Variants in RASAL2 observed in about 807,000 individuals in gnomAD.
The protein encoded by RASAL2 is ras GTPase-activating protein nGAP.
A neutral mutation model predicts 128.9 loss-of-function variants in RASAL2; 58 were observed. That is an observed-to-expected ratio of 0.45 (90% confidence interval 0.36 to 0.56). The LOEUF is 0.56. Among genes scored for constraint, RASAL2 ranks in the 20% least tolerant of loss-of-function variants. The probability of loss-of-function intolerance (pLI) is 0.00; values close to 1 mark genes in which losing one functional copy is unlikely to be tolerated. For synonymous variants in RASAL2, 561 were observed against 580.8 expected (o/e 0.97, Z 0.49); for missense variants, 1,360 against 1,601.6 (o/e 0.85, Z 2.57).
intron 1 of RASAL2, among the ~76,000 whole-genome samples, chr1:178,169,201 G>A (rs938864232): frequency 3.9e-5 from 6 of 152,046 alleles, no homozygotes; most frequent in Non-Finnish European, 8.8e-5. Context: ...TACTCCTAAT[G>A]TATAGTCTTT....
At chr1:178,394,180 T>C (rs1673077710) in intron 4 of RASAL2, among the ~76,000 whole-genome samples, 1 of 152,240 alleles carries the variant, frequency 6.6e-6, no homozygotes, top group Admixed American at 6.5e-5. Context: ...GTTATACATA[T>C]GTATAAATTC....
chr1:178,440,427 C>G (rs1285287391), intron 6 of RASAL2, among the ~76,000 whole-genome samples: 2 of 151,080 alleles, frequency 1.3e-5, no homozygotes, highest in African/African-American at 4.9e-5. Context: ...AAATTGTTTC[C>G]TTTTTTTTTA....
At chr1:178,216,829 T>C (rs1385814914) in intron 1 of RASAL2, among the ~76,000 whole-genome samples, 1 of 152,090 alleles carries the variant, frequency 6.6e-6, no homozygotes, top group Non-Finnish European at 1.5e-5. Flanking sequence ...AACCACTCTT[T>C]TGAAATCAGA....
intron 1 of RASAL2, among the ~76,000 whole-genome samples, chr1:178,117,333 G>A (rs911046735): frequency 6.6e-6 from 1 of 152,160 alleles, no homozygotes; most frequent in Non-Finnish European, 1.5e-5. Flanking sequence ...TTCTGTTTAA[G>A]CATTTTATGA....
intron 9 of RASAL2, among the ~76,000 whole-genome samples, chr1:178,449,552 T>A (rs1453799571): frequency 6.6e-6 from 1 of 152,074 alleles, no homozygotes; most frequent in Non-Finnish European, 1.5e-5. Flanking sequence ...AGCACCCCCT[T>A]TGGCTCTGGT....
chr1:178,318,442 G>C (rs1247875453), intron 3 of RASAL2, among the ~76,000 whole-genome samples: 1 of 152,080 alleles, frequency 6.6e-6, no homozygotes, highest in Admixed American at 6.6e-5. Context: ...CTCTTTGTAA[G>C]TCACTCAGGA....
In RASAL2 at chr1:178,443,201, A is replaced by C; in HGVS notation, c.1454A>C (p.His485Pro). The change falls in exon 8 of 18, where the codon CAC (histidine) becomes CCC (proline). Residue 485 changes from histidine to proline, a missense_variant. Physicochemically the swap from His to Pro is moderately conservative, Grantham distance 77. This residue lies in a region of RASAL2 where 617 missense variants were observed against 714.2 expected (regional missense o/e 0.86). Coordinates refer to ENST00000367649, the MANE Select transcript of RASAL2 (RefSeq NM_170692.4). ...GAGGAGTTGGCTTGTGCCTTAGTGC[A>C]CATTCTTCAAAGTACTGGCAGAGCC... ...NKEELACALV[H>P]ILQSTGRAKD... is the part of the protein sequence containing the mutation. The C allele has an allele frequency of 5.6e-6, 9 of 1,611,576 alleles. No individual in the cohort carries two copies. The highest frequency in any genetic ancestry group is 7.6e-6 in the Non-Finnish European group (9 of 1,177,930).
intron 1 of RASAL2, among the ~76,000 whole-genome samples, chr1:178,159,516 T>C (rs1447784374): frequency 6.6e-6 from 1 of 152,234 alleles, no homozygotes; most frequent in African/African-American, 2.4e-5. Context: ...GGAAAGTGTT[T>C]GAAAACAAAC....
At chr1:178,207,710 A>G (rs1346092077) in intron 1 of RASAL2, among the ~76,000 whole-genome samples, 1 of 152,238 alleles carries the variant, frequency 6.6e-6, no homozygotes, top group African/African-American at 2.4e-5. Flanking sequence ...ACAGCTTATA[A>G]TAAAAAACAG....
chr1:178,209,011 T>C (rs1159531548), intron 1 of RASAL2, among the ~76,000 whole-genome samples: 1 of 152,146 alleles, frequency 6.6e-6, no homozygotes, highest in African/African-American at 2.4e-5. Flanking sequence ...TATGGTACTT[T>C]GGTTATATTT....
At chr1:178,362,023 C>T (rs1041419265) in intron 3 of RASAL2, among the ~76,000 whole-genome samples, 13 of 152,122 alleles carry the variant, frequency 8.5e-5, no homozygotes, top group African/African-American at 2.4e-4. Flanking sequence ...GGCGCTCTGG[C>T]GGTAATGCTT....
At chr1:178,239,150 G>C (rs1285334642) in intron 1 of RASAL2, among the ~76,000 whole-genome samples, 1 of 151,980 alleles carries the variant, frequency 6.6e-6, no homozygotes, top group Non-Finnish European at 1.5e-5. Context: ...TATGTTTTTA[G>C]ATTTTGTCAC....
At chr1:178,458,745 A>C (rs1158893667) in intron 14 of RASAL2, among the ~76,000 whole-genome samples, 1 of 152,190 alleles carries the variant, frequency 6.6e-6, no homozygotes, top group Non-Finnish European at 1.5e-5. Flanking sequence ...ATTACCCTTA[A>C]GAGTCTAACA....
intron 3 of RASAL2, among the ~76,000 whole-genome samples, chr1:178,370,245 G>A (rs2102513721): frequency 6.6e-6 from 1 of 152,306 alleles, no homozygotes; most frequent in South Asian, 2.1e-4. Flanking sequence ...GAATGGCTGA[G>A]TCGAGAGGAG....
At chr1:178,186,497 G>T (rs1006036006) in intron 1 of RASAL2, among the ~76,000 whole-genome samples, 1 of 151,960 alleles carries the variant, frequency 6.6e-6, no homozygotes, top group African/African-American at 2.4e-5. Flanking sequence ...GAAGGGTATG[G>T]TATGTTTTAC....
chr1:178,294,652 G>A (rs1390198673), intron 2 of RASAL2, among the ~76,000 whole-genome samples: 1 of 152,214 alleles, frequency 6.6e-6, no homozygotes, highest in Non-Finnish European at 1.5e-5. Flanking sequence ...GAGCATGGGT[G>A]TGCAACACAA....
chr1:178,235,972 A>G (rs1176346099), intron 1 of RASAL2, among the ~76,000 whole-genome samples: 2 of 152,172 alleles, frequency 1.3e-5, no homozygotes, highest in Admixed American at 1.3e-4. Flanking sequence ...GAGGCAATTT[A>G]TTTATTTAAA....
At chr1:178,308,697 C>T (rs181053149) in intron 3 of RASAL2, among the ~76,000 whole-genome samples, 7 of 151,944 alleles carry the variant, frequency 4.6e-5, no homozygotes, top group African/African-American at 1.4e-4. Context: ...AGGCACTCAC[C>T]ACCATGCCTG....
intron 1 of RASAL2, among the ~76,000 whole-genome samples, chr1:178,147,291 C>G (rs1660763449): frequency 6.6e-6 from 1 of 151,762 alleles, no homozygotes; most frequent in Admixed American, 6.6e-5. Context: ...GAGTTAGAGA[C>G]CATCCTGGGC....
Sources: gnomAD v4.1 joint callset for allele counts (sites outside exome capture counted in the v4.1 genomes callset) on GRCh38, gnomAD v4.1.1 for gene constraint, gnomAD v4.1.1 regional missense constraint, MANE v1.5 for transcripts, NCBI Gene and HGNC (gene_info 2026-07-23, HGNC 2026-07-21) for gene names.